SEMA3A: variants seen among roughly 807,000 people sequenced by gnomAD.
SEMA3A encodes semaphorin-3A.
SEMA3A carries 29 observed loss-of-function variants against 97.9 expected under a neutral mutation model. The ratio of observed to expected loss-of-function variants is 0.30; its 90% CI spans 0.22 to 0.40. The LOEUF (loss-of-function observed/expected upper bound fraction) is 0.40, where lower values mean the gene tolerates loss of function less well. SEMA3A is among the 10% of genes least tolerant of loss of function. The pLI is 1.00. For synonymous variants in SEMA3A, 321 were observed against 323.7 expected, an observed-to-expected ratio of 0.99 and a Z score of 0.09; for missense variants, 763 against 951.3, an observed-to-expected ratio of 0.80 and a Z score of 2.60.
intron 1 of SEMA3A, among the ~76,000 whole-genome samples, chr7:84,389,065 A>G (rs184892313): frequency 4.9e-4 from 75 of 152,156 alleles, no homozygotes; most frequent in African/African-American, 1.8e-3. Flanking sequence ...AATAAGTAAA[A>G]GGGCCTTATT....
In SEMA3A at chr7:83,990,669, T is replaced by C. The variant is rs183673669; in HGVS notation, c.1453-5192A>G. 4.3e-3 allele frequency among the ~76,000 whole-genome samples: 606 copies of C among 141,296 alleles called. 2 individuals are homozygous for C. Among genetic ancestry groups the C allele is most frequent in the Admixed American group, 7.4e-3 (100 of 13,456 alleles). 92.7% of individuals were successfully genotyped at this position (141,296 alleles called of 152,430 possible). On this transcript the variant is annotated intron_variant, in intron 12 of 16. Coordinates refer to ENST00000265362, the MANE Select transcript of SEMA3A (RefSeq NM_006080.3). ...TTTCTGAGGGCTCTGTTCTGTTCCA[T>C]TGATCTATATCTGTGTTTTGGTACC...
chr7:84,225,367 T>A (rs538090205), intron 3 of SEMA3A, among the ~76,000 whole-genome samples: 116 of 152,176 alleles, frequency 7.6e-4, no homozygotes, highest in Admixed American at 1.2e-3. Flanking sequence ...AGATGACACA[T>A]CCAAAGTTGT....
chr7:84,356,126 A>T (rs2116043026), intron 2 of SEMA3A, among the ~76,000 whole-genome samples: 1 of 152,028 alleles, frequency 6.6e-6, no homozygotes, highest in Admixed American at 6.6e-5. Flanking sequence ...GAATATTAAA[A>T]GTATTGTTTT....
intron 2 of SEMA3A, among the ~76,000 whole-genome samples, chr7:84,356,390 T>C (rs979525543): frequency 6.6e-6 from 1 of 151,522 alleles, no homozygotes; most frequent in Non-Finnish European, 1.5e-5. Context: ...CATTAACTCA[T>C]TCTAATTTCA....
chr7:84,022,858 A>C (rs1173689499), intron 6 of SEMA3A, among the ~76,000 whole-genome samples: 3 of 152,240 alleles, frequency 2.0e-5, no homozygotes, highest in Non-Finnish European at 2.9e-5. Flanking sequence ...GCCATTTTGC[A>C]ATGTCCTCAG....
At chr7:84,026,688 T>G (rs1422293657) in intron 6 of SEMA3A, among the ~76,000 whole-genome samples, 1 of 152,196 alleles carries the variant, frequency 6.6e-6, no homozygotes, top group African/African-American at 2.4e-5. Flanking sequence ...AATGAGATCA[T>G]GTCCTGTAGG....
At chr7:84,344,980 A>G (rs1802261040) in intron 2 of SEMA3A, among the ~76,000 whole-genome samples, 1 of 152,206 alleles carries the variant, frequency 6.6e-6, no homozygotes, top group Non-Finnish European at 1.5e-5. Flanking sequence ...TCTACAACAC[A>G]TTAATAATAA....
intron 3 of SEMA3A, among the ~76,000 whole-genome samples, chr7:84,125,582 A>G (rs370118669): frequency 2.6e-5 from 4 of 152,330 alleles, no homozygotes; most frequent in South Asian, 4.1e-4. Context: ...TAAAGTCATG[A>G]TTAAGTGATT....
In SEMA3A at chr7:84,254,917, A is replaced by G. The variant is rs17158790; in HGVS notation, c.-83+52290T>C. Among the ~76,000 whole-genome samples, 1,950 of 152,292 alleles carry G rather than the reference A, an allele frequency of 0.013. 63 individuals carry two copies. In the East Asian group the frequency reaches 0.15, roughly 11 times the overall value. ...GTTAATGAAGTATTATTTGCAATTG[A>G]CTTCCTCAAATTTTAATGAAATAAA... is the stretch of plus-strand genomic sequence containing the variant. On this transcript the variant is annotated intron_variant, in intron 3 of 3. Transcript: ENST00000424555.
chr7:84,404,403 C>T (rs1044471516), intron 1 of SEMA3A, among the ~76,000 whole-genome samples: 1 of 151,948 alleles, frequency 6.6e-6, no homozygotes, highest in African/African-American at 2.4e-5. Flanking sequence ...GTGAAAAGAC[C>T]AAATCTACGT....
chr7:84,066,963 A>G lies in SEMA3A; in HGVS notation c.454-6405T>C, dbSNP rs551465770. On this transcript the variant is annotated intron_variant, in intron 4 of 16. Transcript: ENST00000265362. Reference sequence around the variant, plus strand: ...AACCAAAAAAGAGCCTGCATCGCCAAGTCAATCCTAAGCCAAAAGAACAAA... The same window carrying G: ...AACCAAAAAAGAGCCTGCATCGCCAGGTCAATCCTAAGCCAAAAGAACAAA... 1.4e-4 allele frequency among the ~76,000 whole-genome samples: 22 copies of G among 152,194 alleles called. No homozygotes were observed. In the South Asian group the frequency reaches 4.6e-3, roughly 32 times the overall value.
intron 5 of SEMA3A, among the ~76,000 whole-genome samples, chr7:84,049,699 C>T (rs1052626057): frequency 5.4e-5 from 8 of 147,000 alleles, no homozygotes; most frequent in African/African-American, 2.0e-4. Flanking sequence ...TATGTTGATT[C>T]TTTTTTTTTT....
intron 1 of SEMA3A, among the ~76,000 whole-genome samples, chr7:84,393,026 T>TAATAAA (rs1803626304): frequency 6.6e-6 from 1 of 152,182 alleles, no homozygotes; most frequent in Non-Finnish European, 1.5e-5. Flanking sequence ...TTTCCTTTGC[T>TAATAAA]ATGCAGAATC....
At chr7:84,408,504 A>G (rs1584300818) in intron 1 of SEMA3A, among the ~76,000 whole-genome samples, 1 of 152,020 alleles carries the variant, frequency 6.6e-6, no homozygotes, top group African/African-American at 2.4e-5. Flanking sequence ...AGGGATCTAG[A>G]ACTAGAAATA....
chr7:84,005,304 G>A (rs778016225), intron 11 of SEMA3A, 35 bp downstream of exon 11: 6 of 1,479,796 alleles, frequency 4.1e-6, no homozygotes, highest in Middle Eastern at 1.7e-4. Context: ...CATAGTGTTC[G>A]GAAAAAAGTT....
intron 1 of SEMA3A, among the ~76,000 whole-genome samples, chr7:84,386,948 C>T (rs1373612199): frequency 1.3e-5 from 2 of 151,922 alleles, no homozygotes; most frequent in African/African-American, 2.4e-5. Context: ...TGCAGTGAGC[C>T]GAGATCGCAC....
chr7:84,180,018 C>T (rs1290408801), intron 1 of SEMA3A, among the ~76,000 whole-genome samples: 1 of 144,730 alleles, frequency 6.9e-6, no homozygotes, highest in African/African-American at 2.6e-5. Context: ...GCGATCTCGG[C>T]TCACCACAAC....
intron 9 of SEMA3A, among the ~76,000 whole-genome samples, chr7:84,010,704 A>G (rs2116411720): frequency 6.8e-6 from 1 of 147,982 alleles, no homozygotes; most frequent in East Asian, 2.0e-4. Context: ...CCCAAAACTC[A>G]GACTTCCATC....
At chr7:84,243,351 G>A (rs961445142) in intron 3 of SEMA3A, among the ~76,000 whole-genome samples, 30 of 152,198 alleles carry the variant, frequency 2.0e-4, no homozygotes, top group Admixed American at 3.9e-4. Context: ...TCAGGGATTC[G>A]ACTTCTTCCT....
Sources: gnomAD v4.1 joint callset for allele counts (sites outside exome capture counted in the v4.1 genomes callset) on GRCh38, gnomAD v4.1.1 for gene constraint, MANE v1.5 for transcripts, NCBI Gene and HGNC (gene_info 2026-07-23, HGNC 2026-07-21) for gene names.